CTPS1: variants seen among roughly 807,000 people sequenced by gnomAD.
CTPS1 encodes CTP synthase 1.
In CTPS1, 25 loss-of-function variants were observed where a neutral mutation model predicts 80.5. The observed-to-expected ratio is 0.31, with a 90% CI of 0.23 to 0.43. CTPS1 has a LOEUF of 0.43. Ranked by LOEUF, CTPS1 falls within the 20% of genes least tolerant of loss-of-function variation. CTPS1 has a pLI of 1.00. For synonymous variants in CTPS1, 267 were observed against 252.5 expected (o/e 1.06, Z -0.54); for missense variants, 442 against 725.7 (o/e 0.61, Z 4.49).
At position 41,007,451 on chromosome 1, in the gene CTPS1, C is replaced by G. The variant is rs76417011; in HGVS notation, c.1299C>G (p.Val433=). The G allele has an allele frequency of 6.2e-7, 1 of 1,613,876 alleles. No homozygotes were observed. Among genetic ancestry groups the G allele is most frequent in the East Asian group, 2.2e-5 (1 of 44,886 alleles). ...GTCTGTTTTCTGAACATCTCCAGGTCGTAGACATGCCAGAACACAACCCAG... is the reference window on the plus strand; with the variant it reads ...GTCTGTTTTCTGAACATCTCCAGGTGGTAGACATGCCAGAACACAACCCAG... The part of the protein sequence containing the change: ...EFDPTTSHPV[V]VDMPEHNPGQ... Residue 433 remains valine, a splice_region_variant and synonymous_variant, in exon 14 of 19, where the codon GTC becomes GTG. Coordinates refer to ENST00000650070, the MANE Select transcript of CTPS1 (RefSeq NM_001905.4). The surrounding 1 kb of genome is among the most constrained non-coding windows in gnomAD (Gnocchi z 4.4).
intron 7 of CTPS1, among the ~76,000 whole-genome samples, chr1:40,994,454 A>G (rs1642702767): frequency 6.6e-6 from 1 of 152,232 alleles, no homozygotes; most frequent in South Asian, 2.1e-4. Flanking sequence ...AATTTTTATT[A>G]CTACCGTGTA....
At chr1:41,010,088 C>A in intron 17 of CTPS1, 73 bp from the exon 18 acceptor site, 1 of 968,740 alleles carries the variant, frequency 1.0e-6, no homozygotes, top group Non-Finnish European at 1.6e-6. Context: ...CTGTAGGAAC[C>A]GTGGTTACAA....
In CTPS1 at chr1:40,991,788, A is replaced by G. The variant is rs1642617542; in HGVS notation, c.663A>G (p.Pro221=). 4.3e-6 allele frequency: 7 copies of G among 1,613,936 alleles called. No individual in the cohort carries two copies. The highest frequency in any genetic ancestry group is 5.1e-6 in the Non-Finnish European group (6 of 1,179,918). The part of the protein sequence containing the change: ...PDLVVCRCSN[P]LDTSVKEKIS... Reference sequence around the variant, plus strand: ...AGGTTGTATGCAGGTGCTCAAATCCACTTGACACATCAGTGAAGGAGAAAA... The same window carrying G: ...AGGTTGTATGCAGGTGCTCAAATCCGCTTGACACATCAGTGAAGGAGAAAA... The change falls in exon 7 of 19, where the codon CCA becomes CCG. Residue 221 remains proline, a synonymous_variant. Coordinates refer to ENST00000650070, the MANE Select transcript of CTPS1 (RefSeq NM_001905.4).
Position 40,991,861 on chromosome 1 carries a change from C to T in CTPS1, c.720+16C>T. 6.3e-7 allele frequency: 1 copy of T among 1,597,756 alleles called. No individual in the cohort carries two copies. Among genetic ancestry groups the T allele is most frequent in the Non-Finnish European group, 8.6e-7 (1 of 1,165,118 alleles). Reference sequence around the variant, plus strand: ...GCCTGAACAAGTGAGTAGAAATTCCCATCTCTAATAAGTTGTTTTTTGCTT... The same window carrying T: ...GCCTGAACAAGTGAGTAGAAATTCCTATCTCTAATAAGTTGTTTTTTGCTT... On this transcript the variant is annotated intron_variant, in intron 7 of 18. Coordinates refer to ENST00000650070, the MANE Select transcript of CTPS1 (RefSeq NM_001905.4).
chr1:41,010,240 G>T lies in CTPS1; in HGVS notation c.1771G>T (p.Asp591Tyr). Residue 591 changes from aspartate to tyrosine, a missense_variant, in exon 18 of 19, where the codon GAC (aspartate) becomes TAC (tyrosine). By Grantham distance (160) the Asp-to-Tyr change is radical. Transcript: ENST00000650070. ...TELKFPSINH[D>Y] is the part of the protein sequence containing the mutation. ...ACTGAAGTTTCCATCAATAAATCAT[G>T]ACTGATCTTGTAGCGTAAGTGGTAC... is the stretch of plus-strand genomic sequence containing the variant. The T allele has an allele frequency of 6.2e-7, 1 of 1,611,614 alleles. No individual in the cohort carries two copies. The highest frequency in any genetic ancestry group is 1.1e-5 in the South Asian group (1 of 91,018).
At chr1:41,002,515 C>CTG (rs1642928193) in intron 11 of CTPS1, among the ~76,000 whole-genome samples, 1 of 152,176 alleles carries the variant, frequency 6.6e-6, no homozygotes, top group Non-Finnish European at 1.5e-5. Context: ...ATGAACCCAG[C>CTG]TGTTTGTAGC....
At chr1:41,009,989 A>G (rs960094460) in intron 17 of CTPS1, among the ~76,000 whole-genome samples, 172 bp from the exon 18 acceptor site, 1 of 152,266 alleles carries the variant, frequency 6.6e-6, no homozygotes, top group African/African-American at 2.4e-5. Flanking sequence ...TTTTGTAGCT[A>G]GAAGAAGGAA....
chr1:41,009,668 G>A (rs765014744), intron 17 of CTPS1, 79 bp downstream of exon 17: 12 of 1,515,506 alleles, frequency 7.9e-6, no homozygotes, highest in South Asian at 4.7e-5. Context: ...ACAGCAACAC[G>A]TCACAGTCAG....
Position 40,991,907 on chromosome 1 carries a change from T to C in CTPS1, c.720+62T>C. 7.7e-6 allele frequency: 10 copies of C among 1,304,910 alleles called. No individual in the cohort carries two copies. The South Asian group carries it at 1.2e-4, about 16-fold the overall frequency. 80.8% of individuals were successfully genotyped at this position (1,304,910 alleles called of 1,614,324 possible). A position where few individuals can be genotyped will look rare whatever the true frequency, so the allele number is the denominator to read the frequency against. The stretch of plus-strand genomic sequence containing the variant: ...TGCTTCTAATTGTCCTAAAGCCTCT[T>C]GATCAGTTTCGTGAGGCTTGTTATT... On this transcript the variant is annotated intron_variant, in intron 7 of 18. Transcript: ENST00000650070.
chr1:41,004,881 C>T (rs1371805193), intron 12 of CTPS1, among the ~76,000 whole-genome samples: 3 of 152,140 alleles, frequency 2.0e-5, no homozygotes, highest in Non-Finnish European at 4.4e-5. Flanking sequence ...GTAATCCCAG[C>T]ACTTTGGGAG....
chr1:40,984,134 T>C (rs189898583), intron 2 of CTPS1, among the ~76,000 whole-genome samples: 441 of 152,338 alleles, frequency 2.9e-3, no homozygotes, highest in Admixed American at 4.2e-3. Flanking sequence ...CAGGAAAAGA[T>C]CCATATACCT....
intron 9 of CTPS1, among the ~76,000 whole-genome samples, chr1:41,000,336 A>G (rs983651099): frequency 5.9e-5 from 9 of 152,024 alleles, no homozygotes; most frequent in African/African-American, 2.2e-4. Flanking sequence ...TCTGCCTTCC[A>G]GGTTCAAGCA....
At chr1:40,999,139 G>C (rs1260152326) in intron 9 of CTPS1, among the ~76,000 whole-genome samples, 1 of 152,206 alleles carries the variant, frequency 6.6e-6, no homozygotes, top group Non-Finnish European at 1.5e-5. Flanking sequence ...ACTTCCTCAT[G>C]GAGGGACACC....
chr1:40,981,965 T>C (rs1165751156), intron 1 of CTPS1: 29 of 1,288,038 alleles, frequency 2.3e-5, no homozygotes, highest in Non-Finnish European at 2.9e-5. Context: ...GGAACGTTCC[T>C]GAGGAGGAAA....
intron 1 of CTPS1, 186 bp downstream of exon 1, chr1:40,980,015 C>T (rs1651783458): frequency 6.6e-6 from 1 of 151,374 alleles, no homozygotes; most frequent in Non-Finnish European, 1.5e-5. Context: ...GGGCGGGCGC[C>T]CCGGCCGGCG....
rs775201825 is a variant in CTPS1, at chr1:40,991,731, C to T, written c.640-34C>T. The T allele has an allele frequency of 1.3e-5, 19 of 1,502,270 alleles. 1 individual carries two copies. The highest frequency in any genetic ancestry group is 1.2e-4 in the South Asian group (10 of 86,156). The allele number at this position is 1,502,270 out of a possible 1,614,324, so 93.1% of individuals were successfully genotyped here. ...AAACCCCTACTTCTGTCATTTTTTC[C>T]TTCTGTCTAAGCCATCTTGTTCTCT... On this transcript the variant is annotated intron_variant, in intron 6 of 18. Coordinates refer to ENST00000650070, the MANE Select transcript of CTPS1 (RefSeq NM_001905.4).
chr1:41,006,388 A>C (rs763047179), intron 13 of CTPS1, among the ~76,000 whole-genome samples: 1 of 152,186 alleles, frequency 6.6e-6, no homozygotes, highest in African/African-American at 2.4e-5. Flanking sequence ...AACTCCCAGA[A>C]CACAGTATAG....
At chr1:40,982,428 C>G (rs115871146) in intron 1 of CTPS1, among the ~76,000 whole-genome samples, 234 of 149,680 alleles carry the variant, frequency 1.6e-3, no homozygotes, top group African/African-American at 5.6e-3. Flanking sequence ...CTTATTCTGT[C>G]GCGCACGCTG....
chr1:41,009,234 C>T (rs1267656180), intron 16 of CTPS1, among the ~76,000 whole-genome samples: 2 of 152,182 alleles, frequency 1.3e-5, no homozygotes, highest in Non-Finnish European at 2.9e-5. Flanking sequence ...GGACAGGAGG[C>T]CTTCAGCCAG....
Sources: allele counts gnomAD v4.1 joint callset (sites outside exome capture counted in the v4.1 genomes callset), GRCh38; gene constraint gnomAD v4.1.1; non-coding constraint Gnocchi (gnomAD v3.1); transcripts MANE v1.5; gene names NCBI Gene and HGNC (gene_info 2026-07-23, HGNC 2026-07-21).